Variants in CCDC148 observed in about 807,000 individuals in gnomAD.
The protein encoded by CCDC148 is coiled-coil domain containing 148, also known as coiled-coil domain-containing protein 148.
A neutral mutation model predicts 85.7 loss-of-function variants in CCDC148; 89 were observed. That is an observed-to-expected ratio of 1.04 (90% CI 0.87 to 1.24). The LOEUF (loss-of-function observed/expected upper bound fraction) is 1.24. Among genes scored for constraint, CCDC148 ranks in the 50% most tolerant of loss-of-function variants. CCDC148 has a pLI of 0.00. For synonymous variants in CCDC148, 230 were observed against 213.9 expected, an observed-to-expected ratio of 1.08 and a Z score of -0.66; for missense variants, 692 against 671.7, an observed-to-expected ratio of 1.03 and a Z score of -0.33.
chr2:158,245,343 C>A (rs1240333378), intron 10 of CCDC148, among the ~76,000 whole-genome samples: 1 of 152,164 alleles, frequency 6.6e-6, no homozygotes, highest in Non-Finnish European at 1.5e-5. Context: ...TATGATGTTA[C>A]AAGAAGCTAA....
intron 1 of CCDC148, among the ~76,000 whole-genome samples, chr2:158,401,029 A>G (rs1685756963): frequency 6.6e-6 from 1 of 152,186 alleles, no homozygotes; most frequent in Non-Finnish European, 1.5e-5. Flanking sequence ...TAGAATGGCA[A>G]TCATTAAAAA....
chr2:158,398,686 T>C (rs535684293), intron 1 of CCDC148, among the ~76,000 whole-genome samples: 21 of 152,110 alleles, frequency 1.4e-4, no homozygotes, highest in Non-Finnish European at 1.9e-4. Flanking sequence ...AGATCTAAAA[T>C]CGACACCATA....
At chr2:158,309,987 G>A (rs985631827) in intron 8 of CCDC148, among the ~76,000 whole-genome samples, 2 of 152,082 alleles carry the variant, frequency 1.3e-5, no homozygotes, top group Non-Finnish European at 2.9e-5. Flanking sequence ...GATTTGGCAG[G>A]GTCATAGGAC....
At chr2:158,411,680 A>T (rs945864283) in intron 1 of CCDC148, among the ~76,000 whole-genome samples, 1 of 152,100 alleles carries the variant, frequency 6.6e-6, no homozygotes. Context: ...CAATTTGTAG[A>T]TCCCCATTTC....
chr2:158,210,034 A>G (rs1686473675), intron 11 of CCDC148, among the ~76,000 whole-genome samples: 1 of 152,186 alleles, frequency 6.6e-6, no homozygotes, highest in Non-Finnish European at 1.5e-5. Context: ...ATAAAGAGTC[A>G]CGACCCATTG....
At chr2:158,223,596 T>C (rs1417853929) in intron 10 of CCDC148, among the ~76,000 whole-genome samples, 2 of 152,268 alleles carry the variant, frequency 1.3e-5, no homozygotes, top group East Asian at 1.9e-4. Flanking sequence ...ACACCTCACA[T>C]GGCTGGGTAC....
intron 10 of CCDC148, among the ~76,000 whole-genome samples, chr2:158,224,245 G>C (rs945362913): frequency 6.6e-6 from 1 of 152,200 alleles, no homozygotes; most frequent in Non-Finnish European, 1.5e-5. Flanking sequence ...GAAATGAAGC[G>C]AGAAGAGAAG....
chr2:158,384,546 T>C (rs13431235), intron 1 of CCDC148, among the ~76,000 whole-genome samples: 8,760 of 152,196 alleles, frequency 0.058, 482 homozygotes, highest in African/African-American at 0.14. Flanking sequence ...TGAGGATATT[T>C]CTGCCTTCCC....
At chr2:158,179,988 G>A (rs1684812090) in intron 11 of CCDC148, among the ~76,000 whole-genome samples, 1 of 152,136 alleles carries the variant, frequency 6.6e-6, no homozygotes, top group African/African-American at 2.4e-5. Flanking sequence ...TTTTTGGGCA[G>A]CCTCCCTTGC....
chr2:158,453,399 C>G (rs1190972762), intron 1 of CCDC148, among the ~76,000 whole-genome samples: 1 of 152,120 alleles, frequency 6.6e-6, no homozygotes, highest in Non-Finnish European at 1.5e-5. Flanking sequence ...GGGGCTCAGC[C>G]AATCCTGAAA....
intron 11 of CCDC148, among the ~76,000 whole-genome samples, chr2:158,204,020 T>A (rs1360209346): frequency 2.6e-5 from 4 of 152,190 alleles, no homozygotes; most frequent in Non-Finnish European, 5.9e-5. Context: ...TGTGACTCAT[T>A]CAACTATAAC....
chr2:158,360,437 G>A (rs1186413037), intron 1 of CCDC148, among the ~76,000 whole-genome samples: 1 of 152,172 alleles, frequency 6.6e-6, no homozygotes, highest in Non-Finnish European at 1.5e-5. Context: ...GCTGGCATCT[G>A]GTGGGTGGCC....
intron 10 of CCDC148, among the ~76,000 whole-genome samples, chr2:158,249,907 GATT>G (rs1688718877): frequency 6.6e-6 from 1 of 151,998 alleles, no homozygotes; most frequent in Non-Finnish European, 1.5e-5. Flanking sequence ...CCAAAGAAAA[GATT>G]TTTTTTACAC....
chr2:158,280,054 T>C (rs1384326705), intron 9 of CCDC148, among the ~76,000 whole-genome samples: 3 of 151,516 alleles, frequency 2.0e-5, no homozygotes, highest in Non-Finnish European at 4.4e-5. Context: ...AGAAATAAAA[T>C]CCTTTACAGA....
At chr2:158,231,323 T>C (rs6755434) in intron 10 of CCDC148, among the ~76,000 whole-genome samples, 19,867 of 152,146 alleles carry the variant, frequency 0.13, 1,662 homozygotes, top group African/African-American at 0.25. Flanking sequence ...TGAGAACAAA[T>C]GCCACCTCCT....
At position 158,342,105 on chromosome 2, in the gene CCDC148, T is replaced by C. The variant is rs189432049; in HGVS notation, c.252-1425A>G. ...AGTGCAATGGCGTGATCTCGACTCA[T>C]TGCAACCTCCACCTCCCAGGTTCAA... On this transcript the variant is annotated intron_variant, in intron 3 of 13. Coordinates refer to ENST00000283233, the MANE Select transcript of CCDC148 (RefSeq NM_138803.4). Among the ~76,000 whole-genome samples the C allele has an allele frequency of 1.2e-3, 183 of 146,626 alleles. 1 individual carries two copies. In the East Asian group the frequency reaches 0.023, roughly 18 times the overall value.
At chr2:158,215,766 T>C (rs1226751656) in intron 11 of CCDC148, among the ~76,000 whole-genome samples, 1 of 152,188 alleles carries the variant, frequency 6.6e-6, no homozygotes, top group Non-Finnish European at 1.5e-5. Flanking sequence ...ATAGACTGAA[T>C]GTGTCTGCTC....
In CCDC148 at chr2:158,234,175, C is replaced by CA. The variant is rs924254801; in HGVS notation, c.1252-13463dup. Among the ~76,000 whole-genome samples the CA allele has an allele frequency of 5.8e-3, 816 of 139,852 alleles. 4 individuals are homozygous for CA. The highest frequency in any genetic ancestry group is 0.011 in the Admixed American group (152 of 13,998). 91.7% of individuals were successfully genotyped at this position (139,852 alleles called of 152,430 possible). ...TGGGCAACAGAGCGAGACTCCATCT[C>CA]AAAAAAAAAAAATTGACTTCAAAAG... is the stretch of plus-strand genomic sequence containing the variant. On this transcript the variant is annotated intron_variant, in intron 10 of 13. Coordinates refer to ENST00000283233, the MANE Select transcript of CCDC148 (RefSeq NM_138803.4).
At chr2:158,264,071 T>A (rs1689350683) in intron 9 of CCDC148, among the ~76,000 whole-genome samples, 1 of 147,342 alleles carries the variant, frequency 6.8e-6, no homozygotes, top group Admixed American at 6.7e-5. Flanking sequence ...CCACTGTAAC[T>A]TTTTTTTTAA....
Sources: gnomAD v4.1 joint callset for allele counts (sites outside exome capture counted in the v4.1 genomes callset) on GRCh38, gnomAD v4.1.1 for gene constraint, MANE v1.5 for transcripts, NCBI Gene and HGNC (gene_info 2026-07-23, HGNC 2026-07-21) for gene names.